The following CFAP53 variants were observed in gnomAD, a reference collection of about 807,000 sequenced individuals.
CFAP53 encodes cilia- and flagella-associated protein 53.
In CFAP53, 62 loss-of-function variants were observed where a neutral mutation model predicts 59.7. That is an observed-to-expected ratio of 1.04 (90% confidence interval 0.85 to 1.28). The LOEUF (loss-of-function observed/expected upper bound fraction) is 1.28. Among genes scored for constraint, CFAP53 ranks in the 50% most tolerant of loss-of-function variants. The pLI is 0.00. For missense variants in CFAP53, 629 were observed against 615.6 expected (o/e 1.02, Z -0.23); for synonymous variants, 218 against 205.7 (o/e 1.06, Z -0.51).
Position 50,266,490 on chromosome 18 carries a change from A to G in CFAP53, c.-86T>C. ...TGCGGGACCCGCTTCCGCGACGCAG[A>G]AGTCTGGTTGCCATGGTGCGCCTCG... On this transcript the variant is annotated 5_prime_UTR_variant, in exon 1 of 8. Transcript: ENST00000398545. 1 of 1,377,420 alleles carries G rather than the reference A, an allele frequency of 7.3e-7. No individual in the cohort carries two copies. Among genetic ancestry groups the G allele is most frequent in the Non-Finnish European group, 1.0e-6 (1 of 964,964 alleles). The allele number at this position is 1,377,420 out of a possible 1,614,324, so 85.3% of individuals were successfully genotyped here.
intron 5 of CFAP53, among the ~76,000 whole-genome samples, chr18:50,244,959 A>T (rs919315466): frequency 2.0e-5 from 3 of 149,052 alleles, no homozygotes; most frequent in African/African-American, 7.4e-5. Flanking sequence ...GCTACTTAGG[A>T]GGCTGAGGCA....
chr18:50,241,225 C>T (rs2033687050), intron 6 of CFAP53, among the ~76,000 whole-genome samples: 1 of 152,114 alleles, frequency 6.6e-6, no homozygotes, highest in South Asian at 2.1e-4. Context: ...GAAAGAAATA[C>T]CTAGTAACCA....
At chr18:50,233,835 C>G (rs551944565) in intron 7 of CFAP53, among the ~76,000 whole-genome samples, 2 of 152,292 alleles carry the variant, frequency 1.3e-5, no homozygotes, top group South Asian at 2.1e-4. Flanking sequence ...TACTAACAAG[C>G]CTGATACTCT....
intron 7 of CFAP53, among the ~76,000 whole-genome samples, chr18:50,236,921 C>T (rs1790451): frequency 0.96 from 146,200 of 152,088 alleles, 70,413 homozygotes; most frequent in Non-Finnish European, 1. Flanking sequence ...CCCATAATTT[C>T]TTCCTTATCT....
rs58912526 is a variant in CFAP53, at chr18:50,250,219, CAAA to C, written c.996+536_996+538del. 1.6e-3 allele frequency among the ~76,000 whole-genome samples: 183 copies of C among 117,592 alleles called. 1 individual carries two copies. Among genetic ancestry groups the C allele is most frequent in the Admixed American group, 1.9e-3 (22 of 11,658 alleles). 77.1% of individuals were successfully genotyped at this position (117,592 alleles called of 152,430 possible). ...GGGTTACAGCGTGAGACCCCTGTCTCAAAAAAAAAAAAAAAAAAGAGAGAGAGA... is the reference window on the plus strand; with the variant it reads ...GGGTTACAGCGTGAGACCCCTGTCTCAAAAAAAAAAAAAAAGAGAGAGAGA... On this transcript the variant is annotated intron_variant, in intron 5 of 7. Transcript: ENST00000398545.
chr18:50,265,086 C>T (rs1391282536), intron 1 of CFAP53, among the ~76,000 whole-genome samples: 6 of 152,172 alleles, frequency 3.9e-5, no homozygotes, highest in Non-Finnish European at 8.8e-5. Context: ...GACAATATAG[C>T]ACATCATTAT....
At chr18:50,251,869 T>A in intron 3 of CFAP53, 85 bp from the exon 4 acceptor site, 1 of 1,209,798 alleles carries the variant, frequency 8.3e-7, no homozygotes, top group Non-Finnish European at 1.2e-6. Context: ...AATCACACAA[T>A]GAAGCAAGAA....
At chr18:50,259,506 A>C (rs1463463115) in intron 3 of CFAP53, among the ~76,000 whole-genome samples, 3 of 152,094 alleles carry the variant, frequency 2.0e-5, no homozygotes, top group Admixed American at 6.6e-5. Flanking sequence ...TACCAAAAAA[A>C]AAAAAAAGAA....
chr18:50,242,565 C>T (rs916668250), intron 6 of CFAP53, among the ~76,000 whole-genome samples: 7 of 152,282 alleles, frequency 4.6e-5, no homozygotes, highest in East Asian at 1.9e-4. Flanking sequence ...AGATAACTTT[C>T]GAAAGAAAAG....
intron 7 of CFAP53, among the ~76,000 whole-genome samples, chr18:50,231,571 G>C (rs2033584013): frequency 6.6e-6 from 1 of 152,198 alleles, no homozygotes; most frequent in Admixed American, 6.5e-5. Context: ...TTCAGGTGAG[G>C]GACCTGAGTT....
chr18:50,243,723 G>A (rs920345829), intron 5 of CFAP53, among the ~76,000 whole-genome samples: 40 of 152,156 alleles, frequency 2.6e-4, no homozygotes, highest in African/African-American at 7.7e-4. Flanking sequence ...AGGCCGAGGC[G>A]GGTGGATCAC....
At chr18:50,248,485 A>G (rs1479656257) in intron 5 of CFAP53, among the ~76,000 whole-genome samples, 1 of 152,112 alleles carries the variant, frequency 6.6e-6, no homozygotes, top group East Asian at 1.9e-4. Context: ...CATTTATCTC[A>G]TAGAAATGAT....
chr18:50,252,843 GTC>G (rs1486502657), intron 3 of CFAP53, among the ~76,000 whole-genome samples: 3 of 152,202 alleles, frequency 2.0e-5, no homozygotes, highest in African/African-American at 7.2e-5. Flanking sequence ...GTGAGACCTT[GTC>G]TCTACAAAAG....
In CFAP53 at chr18:50,261,126, T is replaced by C. The variant is rs375259869; in HGVS notation, c.411A>G (p.Leu137=). 6.3e-6 allele frequency: 10 copies of C among 1,599,110 alleles called. No homozygotes were observed. Among genetic ancestry groups the C allele is most frequent in the African/African-American group, 2.7e-5 (2 of 73,920 alleles). The change falls in exon 3 of 8, where the codon CTA becomes CTG. Residue 137 remains leucine, a synonymous_variant. Transcript: ENST00000398545. ...GCCTCTCTTTTTCATTCTTCTCTTT[T>C]AGTAATTTAGTTTTCTCTCTCATCC... The part of the protein sequence containing the change: ...KDRMREKTKL[L]KEKNEKERQD...
At position 50,250,907 on chromosome 18, in the gene CFAP53, C is replaced by T. The variant is rs771184750; in HGVS notation, c.847G>A (p.Glu283Lys). Residue 283 changes from glutamate (E) to lysine (K), a missense_variant, in exon 5 of 8, where the codon GAA becomes AAA. Coordinates refer to ENST00000398545, the MANE Select transcript of CFAP53 (RefSeq NM_145020.5). ...DMLKKQKAKQ[E>K]TRTILQKALQ... ...GCTTTTTGCAAAATGGTCCTAGTTT[C>T]CTGCTTTGCCTTCTGTTTCTTTAGC... is the stretch of plus-strand genomic sequence containing the variant. 2.5e-6 allele frequency: 4 copies of T among 1,614,168 alleles called. No homozygotes were observed. The South Asian group carries it at 4.4e-5, about 18-fold the overall frequency.
rs185473010 is a variant in CFAP53, at chr18:50,249,634, C to T, written c.996+1124G>A. 7.9e-5 allele frequency among the ~76,000 whole-genome samples: 12 copies of T among 152,150 alleles called. No individual in the cohort carries two copies. In the East Asian group the frequency reaches 2.1e-3, roughly 27 times the overall value. ...AAAAAGGCTATCTGAAAAGATTACA[C>T]ACTATATGATTCTACTAATATAACA... On this transcript the variant is annotated intron_variant, in intron 5 of 7. Coordinates refer to ENST00000398545, the MANE Select transcript of CFAP53 (RefSeq NM_145020.5).
At chr18:50,236,443 T>G (rs1242327390) in intron 7 of CFAP53, among the ~76,000 whole-genome samples, 1 of 152,210 alleles carries the variant, frequency 6.6e-6, no homozygotes, top group African/African-American at 2.4e-5. Flanking sequence ...TGAATCAGGA[T>G]GGGCCTTGTA....
chr18:50,251,211 A>G (rs960930280), intron 4 of CFAP53, among the ~76,000 whole-genome samples: 1 of 152,244 alleles, frequency 6.6e-6, no homozygotes, highest in African/African-American at 2.4e-5. Flanking sequence ...TTGAAAACAG[A>G]AAAGTATAAA....
intron 7 of CFAP53, among the ~76,000 whole-genome samples, chr18:50,229,754 C>T (rs56112786): frequency 0.74 from 93,758 of 126,850 alleles, 31,366 homozygotes; most frequent in East Asian, 0.82. Flanking sequence ...TTTTTTTTTT[C>T]AGACAGGGTC....
Sources: gnomAD v4.1 joint callset for allele counts (sites outside exome capture counted in the v4.1 genomes callset) on GRCh38, gnomAD v4.1.1 for gene constraint, MANE v1.5 for transcripts, NCBI Gene and HGNC (gene_info 2026-07-23, HGNC 2026-07-21) for gene names.